The following TNFSF4 variants were observed in gnomAD, a reference collection of about 807,000 sequenced individuals.
TNFSF4 encodes tumor necrosis factor ligand superfamily member 4.
In TNFSF4, 4 loss-of-function variants were observed where a neutral mutation model predicts 7.3. The observed-to-expected ratio is 0.55, with a 90% CI of 0.27 to 1.25. TNFSF4 has a LOEUF of 1.25. TNFSF4 is among the 50% of genes most tolerant of loss of function. TNFSF4 has a pLI of 0.12. For synonymous variants in TNFSF4, 76 were observed against 83.7 expected, an observed-to-expected ratio of 0.91 and a Z score of 0.50; for missense variants, 181 against 208.8, an observed-to-expected ratio of 0.87 and a Z score of 0.82.
At chr1:173,221,566 T>A in the TNFSF4 span, among the ~76,000 whole-genome samples, 1 of 152,150 alleles carries the variant, frequency 6.6e-6, no homozygotes, top group Admixed American at 6.5e-5. Context: ...AACTTGTACA[T>A]CATTGGGCTG....
the TNFSF4 span, among the ~76,000 whole-genome samples, chr1:173,384,979 A>C: frequency 6.6e-6 from 1 of 152,248 alleles, no homozygotes; most frequent in Non-Finnish European, 1.5e-5. Context: ...CAGCATCATA[A>C]ATGATATAAC....
the TNFSF4 span, among the ~76,000 whole-genome samples, chr1:173,354,728 TA>T: frequency 1.3e-5 from 2 of 152,006 alleles, no homozygotes; most frequent in African/African-American, 2.4e-5. Context: ...ATGCAAAAAA[TA>T]AAAAATAAAA....
the TNFSF4 span, among the ~76,000 whole-genome samples, chr1:173,310,316 G>A: frequency 6.6e-6 from 1 of 151,876 alleles, no homozygotes; most frequent in Non-Finnish European, 1.5e-5. Flanking sequence ...TGCTTTAGCA[G>A]GGTACCACAT....
At chr1:173,442,558 T>G in the TNFSF4 span, among the ~76,000 whole-genome samples, 2 of 144,348 alleles carry the variant, frequency 1.4e-5, no homozygotes, top group African/African-American at 5.1e-5. Context: ...TTTGTTTTTT[T>G]TTTTTTTTTG....
the TNFSF4 span, among the ~76,000 whole-genome samples, chr1:173,365,844 G>A: frequency 1.2e-4 from 19 of 152,122 alleles, no homozygotes; most frequent in Non-Finnish European, 1.6e-4. Flanking sequence ...ACCAAACTGT[G>A]TCAGGACAAG....
At chr1:173,326,178 G>A in the TNFSF4 span, among the ~76,000 whole-genome samples, 1 of 152,132 alleles carries the variant, frequency 6.6e-6, no homozygotes, top group Non-Finnish European at 1.5e-5. Context: ...ATGACCAAGT[G>A]GGCTTCATCC....
the TNFSF4 span, among the ~76,000 whole-genome samples, chr1:173,368,542 GAC>G: frequency 1.5e-4 from 23 of 152,276 alleles, 1 homozygote; most frequent in African/African-American, 5.5e-4. Context: ...CCTGACTAAA[GAC>G]ACGGGTGTCA....
chr1:173,425,435 T>C, the TNFSF4 span, among the ~76,000 whole-genome samples: 3 of 152,040 alleles, frequency 2.0e-5, no homozygotes, highest in African/African-American at 7.2e-5. Context: ...GAAGAAAGGA[T>C]AGATTGAAAA....
chr1:173,267,788 C>T, the TNFSF4 span, among the ~76,000 whole-genome samples: 6 of 150,884 alleles, frequency 4.0e-5, no homozygotes, highest in Non-Finnish European at 8.9e-5. Flanking sequence ...AACTAATTTC[C>T]GGAGAGGAGG....
At chr1:173,398,527 C>G in the TNFSF4 span, among the ~76,000 whole-genome samples, 1 of 151,208 alleles carries the variant, frequency 6.6e-6, no homozygotes, top group South Asian at 2.1e-4. Flanking sequence ...CAGGTTCACA[C>G]CATTCTCCTG....
chr1:173,430,302 C>T, the TNFSF4 span, among the ~76,000 whole-genome samples: 1 of 152,220 alleles, frequency 6.6e-6, no homozygotes, highest in Non-Finnish European at 1.5e-5. Context: ...TCACAACTGC[C>T]TTCTTAGCTC....
the TNFSF4 span, among the ~76,000 whole-genome samples, chr1:173,309,980 T>C: frequency 2.9e-4 from 44 of 152,048 alleles, 1 homozygote; most frequent in Non-Finnish European, 5.2e-4. Flanking sequence ...TTGTTCATAA[T>C]GTTCATATGA....
the TNFSF4 span, among the ~76,000 whole-genome samples, chr1:173,297,605 T>C: frequency 6.6e-6 from 1 of 151,872 alleles, no homozygotes; most frequent in Non-Finnish European, 1.5e-5. Context: ...GGAATTGAAG[T>C]TGAAGGAGGA....
the TNFSF4 span, among the ~76,000 whole-genome samples, chr1:173,268,630 CAGAG>C: frequency 1.3e-5 from 2 of 151,914 alleles, no homozygotes; most frequent in Admixed American, 6.6e-5. Context: ...AAACAAGAAA[CAGAG>C]GGAATGGACA....
chr1:173,288,422 C>G, the TNFSF4 span, among the ~76,000 whole-genome samples: 1 of 151,944 alleles, frequency 6.6e-6, no homozygotes, highest in East Asian at 1.9e-4. Context: ...GGTGACAGAG[C>G]CAGACCCTGT....
chr1:173,252,575 C>T, the TNFSF4 span, among the ~76,000 whole-genome samples: 5 of 152,038 alleles, frequency 3.3e-5, no homozygotes, highest in East Asian at 9.6e-4. Flanking sequence ...AGAACGTTTA[C>T]TTGCCTTGCA....
intron 1 of TNFSF4, chr1:173,205,697 C>T (rs900980640): frequency 1.5e-5 from 9 of 612,172 alleles, no homozygotes; most frequent in East Asian, 1.2e-4. Flanking sequence ...AGCCTAATTC[C>T]GGTTGATGTC....
At chr1:173,372,390 C>T in the TNFSF4 span, among the ~76,000 whole-genome samples, 1 of 152,182 alleles carries the variant, frequency 6.6e-6, no homozygotes, top group Non-Finnish European at 1.5e-5. Flanking sequence ...AACCTTAAAG[C>T]AGGCCCTAGT....
chr1:173,316,124 A>T, the TNFSF4 span, among the ~76,000 whole-genome samples: 1 of 152,264 alleles, frequency 6.6e-6, no homozygotes, highest in East Asian at 1.9e-4. Context: ...AGTTTACTCA[A>T]CATGTGGATA....
Sources: allele counts gnomAD v4.1 joint callset (sites outside exome capture counted in the v4.1 genomes callset), GRCh38; gene constraint gnomAD v4.1.1; transcripts MANE v1.5; gene names NCBI Gene and HGNC (gene_info 2026-07-23, HGNC 2026-07-21).